The following FAM227B variants were observed in gnomAD, a reference collection of about 807,000 sequenced individuals.
FAM227B encodes the protein family with sequence similarity 227 member B, also known as protein FAM227B.
A neutral mutation model predicts 73.8 loss-of-function variants in FAM227B; 88 were observed. The observed-to-expected ratio is 1.19, with a 90% CI of 1.00 to 1.42. FAM227B has a LOEUF of 1.42. Ranked by LOEUF, FAM227B falls within the 40% of genes most tolerant of loss-of-function variation. FAM227B has a pLI of 0.00. For missense variants in FAM227B, 632 were observed against 590.9 expected, an observed-to-expected ratio of 1.07 and a Z score of -0.72; for synonymous variants, 210 against 190.5, an observed-to-expected ratio of 1.10 and a Z score of -0.84.
chr15:49,345,953 G>C (rs112749765), intron 13 of FAM227B, among the ~76,000 whole-genome samples: 1 of 152,050 alleles, frequency 6.6e-6, no homozygotes, highest in Non-Finnish European at 1.5e-5. Context: ...GGCAAATTTC[G>C]TACTTATCTG....
chr15:49,501,206 G>C (rs1415505651), intron 11 of FAM227B, among the ~76,000 whole-genome samples: 1 of 152,230 alleles, frequency 6.6e-6, no homozygotes, highest in African/African-American at 2.4e-5. Context: ...ATGGGCAGAG[G>C]CTGGAAGAGT....
rs141766467 is a variant in FAM227B, at chr15:49,551,309, A to C, written c.748-9503T>G. ...GGAGAGGACGCATATGTATTTTTAA[A>C]TTGTTATATCCTCTTGCTGAATTGA... On this transcript the variant is annotated intron_variant, in intron 9 of 15. Transcript: ENST00000299338. 2.0e-5 allele frequency among the ~76,000 whole-genome samples: 3 copies of C among 152,292 alleles called. No homozygotes were observed. In the East Asian group the frequency reaches 5.8e-4, roughly 29 times the overall value.
intron 11 of FAM227B, among the ~76,000 whole-genome samples, chr15:49,443,928 T>C (rs1056694000): frequency 2.6e-5 from 4 of 151,732 alleles, no homozygotes; most frequent in Non-Finnish European, 5.9e-5. Flanking sequence ...TGAGAGTCAG[T>C]TGTTAAACAT....
In FAM227B at chr15:49,515,571, G is replaced by A. The variant is rs975267839; in HGVS notation, c.875-7223C>T. Among the ~76,000 whole-genome samples, 9 of 152,238 alleles carry A rather than the reference G, an allele frequency of 5.9e-5. No individual in the cohort carries two copies. In the South Asian group the frequency reaches 1.2e-3, roughly 21 times the overall value. On this transcript the variant is annotated intron_variant, in intron 10 of 15. Coordinates refer to ENST00000299338, the MANE Select transcript of FAM227B (RefSeq NM_152647.3). ...TATTATGCAGTGTAGTAAAGATGAG[G>A]TAAGTAGTTTTAACGCCTGAAAATG...
At chr15:49,355,291 T>G (rs2042952114) in intron 13 of FAM227B, among the ~76,000 whole-genome samples, 1 of 152,072 alleles carries the variant, frequency 6.6e-6, no homozygotes, top group South Asian at 2.1e-4. Flanking sequence ...CAAATTACTC[T>G]GAGCTACGGG....
At chr15:49,499,102 C>T (rs2057899668) in intron 11 of FAM227B, among the ~76,000 whole-genome samples, 1 of 132,208 alleles carries the variant, frequency 7.6e-6, no homozygotes, top group African/African-American at 2.8e-5. Context: ...GGAGGCGGAG[C>T]TTGCAGTGAG....
chr15:49,366,714 C>G, intron 13 of FAM227B: 3 of 1,247,876 alleles, frequency 2.4e-6, no homozygotes, highest in Non-Finnish European at 3.5e-6. Flanking sequence ...TGGGGTGGCG[C>G]GGCGCGGCTC....
At chr15:49,587,043 C>A (rs533805409) in intron 5 of FAM227B, among the ~76,000 whole-genome samples, 1 of 152,188 alleles carries the variant, frequency 6.6e-6, no homozygotes, top group Admixed American at 6.5e-5. Flanking sequence ...ATGTTCACTG[C>A]AGCACTATTC....
chr15:49,420,568 A>G (rs1336363486), intron 11 of FAM227B, among the ~76,000 whole-genome samples: 1 of 152,218 alleles, frequency 6.6e-6, no homozygotes, highest in African/African-American at 2.4e-5. Context: ...ACTAATAAAA[A>G]GAATTATCTA....
chr15:49,436,593 T>C (rs1200354111), intron 11 of FAM227B, among the ~76,000 whole-genome samples: 1 of 151,584 alleles, frequency 6.6e-6, no homozygotes, highest in Admixed American at 6.6e-5. Flanking sequence ...ACACTTTATA[T>C]ACATTATTTA....
chr15:49,384,036 T>G (rs2046715918), intron 11 of FAM227B, among the ~76,000 whole-genome samples: 1 of 152,116 alleles, frequency 6.6e-6, no homozygotes, highest in Non-Finnish European at 1.5e-5. Context: ...TCTGTCCTCC[T>G]AAGGAATTCT....
chr15:49,486,542 A>G (rs1428895264), intron 11 of FAM227B: 1 of 152,170 alleles, frequency 6.6e-6, no homozygotes, highest in South Asian at 2.1e-4. Context: ...AAGAAAATAC[A>G]CACTAAAACT....
At chr15:49,422,471 GTGAAACCA>G in intron 11 of FAM227B, 1 of 1,218,584 alleles carries the variant, frequency 8.2e-7, no homozygotes, top group East Asian at 3.0e-5. Flanking sequence ...GATAATCAAT[GTGAAACCA>G]TTTCCTCCTT....
At chr15:49,585,970 T>C (rs1487024287) in intron 5 of FAM227B, among the ~76,000 whole-genome samples, 1 of 152,158 alleles carries the variant, frequency 6.6e-6, no homozygotes, top group East Asian at 1.9e-4. Context: ...AATATGTAGA[T>C]TCAATGCTAT....
intron 14 of FAM227B, among the ~76,000 whole-genome samples, chr15:49,333,851 A>G (rs934853539): frequency 1.3e-5 from 2 of 152,134 alleles, no homozygotes; most frequent in African/African-American, 4.8e-5. Context: ...AATGAGCCCA[A>G]TTTTTCTTGC....
At chr15:49,525,665 AAT>A (rs57123974) in intron 10 of FAM227B, among the ~76,000 whole-genome samples, 996 of 80,780 alleles carry the variant, frequency 0.012, 47 homozygotes, top group East Asian at 0.021. Context: ...AGGGTGGAGA[AAT>A]ATATATATAT....
At chr15:49,409,089 A>C (rs990371938) in intron 11 of FAM227B, among the ~76,000 whole-genome samples, 1 of 152,110 alleles carries the variant, frequency 6.6e-6, no homozygotes, top group Admixed American at 6.5e-5. Context: ...TGTATGATTA[A>C]AGATTGAGTT....
chr15:49,403,600 G>A (rs1172035033), intron 11 of FAM227B, among the ~76,000 whole-genome samples: 3 of 151,948 alleles, frequency 2.0e-5, no homozygotes, highest in African/African-American at 7.3e-5. Flanking sequence ...TGTGAGCTAG[G>A]GGTAATATCC....
At position 49,489,915 on chromosome 15, in the gene FAM227B, CAGAGAGAGAGACAG is replaced by C. The variant is rs1469198973; in HGVS notation, c.1012+18282_1012+18295del. 5.2e-4 allele frequency among the ~76,000 whole-genome samples: 9 copies of C among 17,334 alleles called. 1 individual carries two copies. Among genetic ancestry groups the C allele is most frequent in the East Asian group, 5.1e-3 (2 of 396 alleles). The allele number at this position is 17,334 out of a possible 152,430, so 11.4% of individuals were successfully genotyped here. Reference sequence around the variant, plus strand: ...AGAGAGAGAGAGAGAGAGAGAGAGACAGAGAGAGAGACAGAGAGAGAGAGAGAGAGACACCTAGG... The same window carrying C: ...AGAGAGAGAGAGAGAGAGAGAGAGACAGAGAGAGAGAGAGAGACACCTAGG... On this transcript the variant is annotated intron_variant, in intron 11 of 15. Coordinates refer to ENST00000299338, the MANE Select transcript of FAM227B (RefSeq NM_152647.3).
Sources: allele counts gnomAD v4.1 joint callset (sites outside exome capture counted in the v4.1 genomes callset), GRCh38; gene constraint gnomAD v4.1.1; transcripts MANE v1.5; gene names NCBI Gene and HGNC (gene_info 2026-07-23, HGNC 2026-07-21).